TMEM161B: variants seen among roughly 807,000 people sequenced by gnomAD.
TMEM161B encodes the protein transmembrane protein 161B.
In TMEM161B, 34 loss-of-function variants were observed where a neutral mutation model predicts 61.8. The observed-to-expected ratio is 0.55, with a 90% CI of 0.42 to 0.73. The LOEUF (loss-of-function observed/expected upper bound fraction) is 0.73, where lower values mean the gene tolerates loss of function less well. Among genes scored for constraint, TMEM161B ranks in the 30% least tolerant of loss-of-function variants. The pLI, the probability that TMEM161B is intolerant of heterozygous loss-of-function variation, is 0.00. For missense variants in TMEM161B, 456 were observed against 558.5 expected (o/e 0.82, Z 1.85); for synonymous variants, 167 against 192.8 (o/e 0.87, Z 1.11).
chr5:88,189,269 C>T (rs1004647321), downstream of TMEM161B, among the ~76,000 whole-genome samples: 3 of 152,002 alleles, frequency 2.0e-5, no homozygotes, highest in African/African-American at 7.3e-5. Flanking sequence ...GAAGTCCTTA[C>T]TGTACAAGTC....
intron 1 of TMEM161B, among the ~76,000 whole-genome samples, chr5:88,255,000 A>T (rs998584564): frequency 3.9e-5 from 6 of 152,320 alleles, no homozygotes; most frequent in Admixed American, 6.5e-5. Flanking sequence ...TTTGAAGAAT[A>T]ACCACACCAA....
intron 5 of TMEM161B, among the ~76,000 whole-genome samples, chr5:88,218,277 C>T (rs1001277315): frequency 2.6e-5 from 4 of 151,986 alleles, no homozygotes; most frequent in African/African-American, 4.8e-5. Flanking sequence ...AGATGAGATT[C>T]GGTGTGTCCA....
chr5:88,264,512 G>C (rs552590260), intron 1 of TMEM161B, among the ~76,000 whole-genome samples: 1 of 152,336 alleles, frequency 6.6e-6, no homozygotes, highest in African/African-American at 2.4e-5. Flanking sequence ...AACCATTGTG[G>C]AAGACAGTGT....
chr5:88,225,367 G>A (rs1429913958), intron 4 of TMEM161B, among the ~76,000 whole-genome samples: 3 of 152,064 alleles, frequency 2.0e-5, no homozygotes, highest in South Asian at 2.1e-4. Flanking sequence ...CGTCATACTC[G>A]ATTTTTCAAC....
chr5:88,192,024 A>ATATATATG (rs1554045803), downstream of TMEM161B, among the ~76,000 whole-genome samples: 1 of 51,502 alleles, frequency 1.9e-5, no homozygotes, highest in Non-Finnish European at 3.5e-5. Context: ...ATATATATAT[A>ATATATATG]TATGTATATA....
chr5:88,232,048 C>G (rs549882706), intron 2 of TMEM161B, among the ~76,000 whole-genome samples: 23 of 151,966 alleles, frequency 1.5e-4, no homozygotes, highest in Non-Finnish European at 2.6e-4. Context: ...CATAAAGCAG[C>G]CTTCTTGTGC....
chr5:88,239,437 G>T (rs1000966948), intron 2 of TMEM161B, among the ~76,000 whole-genome samples: 1 of 151,912 alleles, frequency 6.6e-6, no homozygotes, highest in Non-Finnish European at 1.5e-5. Context: ...CCCAGCTCAT[G>T]TTCATCTTTT....
At chr5:88,256,206 G>T (rs1372181092) in intron 1 of TMEM161B, among the ~76,000 whole-genome samples, 1 of 152,066 alleles carries the variant, frequency 6.6e-6, no homozygotes, top group Non-Finnish European at 1.5e-5. Context: ...AGTTAAAAGA[G>T]GTTGAATAAA....
intron 2 of TMEM161B, among the ~76,000 whole-genome samples, chr5:88,231,526 T>G (rs543971859): frequency 2.6e-5 from 4 of 152,202 alleles, no homozygotes; most frequent in African/African-American, 9.7e-5. Context: ...TTTTGTATAC[T>G]TCAAAGTTAG....
intron 1 of TMEM161B, among the ~76,000 whole-genome samples, chr5:88,260,562 C>A (rs1298923069): frequency 1.3e-5 from 2 of 152,132 alleles, no homozygotes; most frequent in South Asian, 2.1e-4. Flanking sequence ...AGTGATCTAC[C>A]CACCTCAGCC....
At chr5:88,193,236 C>A (rs535356021), downstream of TMEM161B, among the ~76,000 whole-genome samples, 1 of 151,914 alleles carries the variant, frequency 6.6e-6, no homozygotes, top group Admixed American at 6.5e-5. Context: ...GTGGGGTAGT[C>A]GGAAAGACAG....
chr5:88,220,499 A>G (rs1374296253), intron 5 of TMEM161B, 64 bp downstream of exon 5: 1 of 1,264,680 alleles, frequency 7.9e-7, no homozygotes, highest in Non-Finnish European at 1.0e-6. Context: ...TTCTCAAATC[A>G]GAGATGAGAT....
intron 1 of TMEM161B, among the ~76,000 whole-genome samples, chr5:88,248,939 C>A (rs186343005): frequency 3.0e-4 from 46 of 152,004 alleles, no homozygotes; most frequent in Non-Finnish European, 5.4e-4. Flanking sequence ...TCTTTTTTTT[C>A]CCCAGTAAGC....
At chr5:88,190,971 T>C (rs1203034358), downstream of TMEM161B, among the ~76,000 whole-genome samples, 1 of 152,228 alleles carries the variant, frequency 6.6e-6, no homozygotes, top group African/African-American at 2.4e-5. Flanking sequence ...TTTAACCTCA[T>C]TTATCCTTTC....
chr5:88,223,802 T>C (rs1749466071), intron 4 of TMEM161B, among the ~76,000 whole-genome samples: 1 of 151,878 alleles, frequency 6.6e-6, no homozygotes, highest in South Asian at 2.1e-4. Flanking sequence ...GGCAGGAGAA[T>C]GGCGTGAACC....
chr5:88,260,665 T>C (rs1486423336), intron 1 of TMEM161B, among the ~76,000 whole-genome samples: 2 of 152,108 alleles, frequency 1.3e-5, no homozygotes, highest in African/African-American at 4.8e-5. Context: ...GTTGTCCAGA[T>C]TGGTCTCAAA....
chr5:88,190,284 T>C (rs757540084), downstream of TMEM161B: 1 of 700,266 alleles, frequency 1.4e-6, no homozygotes, highest in Non-Finnish European at 2.6e-6. Flanking sequence ...AACACACCGC[T>C]GTGTCAGTTT....
At chr5:88,239,624 C>G (rs1752407579) in intron 2 of TMEM161B, among the ~76,000 whole-genome samples, 1 of 151,992 alleles carries the variant, frequency 6.6e-6, no homozygotes, top group African/African-American at 2.4e-5. Context: ...ACAGCTCTCT[C>G]ACACATTCAG....
At chr5:88,226,443 C>T (rs1750066105) in intron 3 of TMEM161B, among the ~76,000 whole-genome samples, 1 of 152,092 alleles carries the variant, frequency 6.6e-6, no homozygotes, top group African/African-American at 2.4e-5. Flanking sequence ...ATATAGAAAG[C>T]AATAAACTAA....
Sources: allele counts gnomAD v4.1 joint callset (sites outside exome capture counted in the v4.1 genomes callset), GRCh38; gene constraint gnomAD v4.1.1; transcripts MANE v1.5; gene names NCBI Gene and HGNC (gene_info 2026-07-23, HGNC 2026-07-21).